Variants in SIK2 observed in about 807,000 individuals in gnomAD.
SIK2 encodes the protein salt inducible kinase 2, also known as serine/threonine-protein kinase SIK2.
SIK2 carries 29 observed loss-of-function variants against 103.2 expected under a neutral mutation model. That is an observed-to-expected ratio of 0.28 (90% CI 0.21 to 0.38). The LOEUF (loss-of-function observed/expected upper bound fraction) is 0.38, where lower values mean the gene tolerates loss of function less well. Ranked by LOEUF, SIK2 falls within the 10% of genes least tolerant of loss-of-function variation. The pLI is 1.00. For synonymous variants in SIK2, 412 were observed against 446.1 expected (o/e 0.92, Z 0.96); for missense variants, 879 against 1,171.0 (o/e 0.75, Z 3.64).
intron 1 of SIK2, among the ~76,000 whole-genome samples, chr11:111,615,894 C>A (rs917484386): frequency 1.3e-5 from 2 of 152,288 alleles, no homozygotes; most frequent in South Asian, 4.1e-4. Context: ...TTTATAGGTA[C>A]TTCACAGCAG....
chr11:111,679,771 G>C (rs529387599), intron 3 of SIK2, among the ~76,000 whole-genome samples: 2 of 152,142 alleles, frequency 1.3e-5, no homozygotes, highest in Non-Finnish European at 2.9e-5. Context: ...TTCCAAGATT[G>C]ATTGGCAAGA....
At position 111,701,057 on chromosome 11, in the gene SIK2, T is replaced by G. The variant is rs1943201878; in HGVS notation, c.603+47T>G. The stretch of plus-strand genomic sequence containing the variant: ...TTGTTAAATGCATCTATACTGATAA[T>G]ACTTGGTGTTCTGGCCCATCTTAGA... On this transcript the variant is annotated intron_variant, in intron 5 of 14. Coordinates refer to ENST00000304987, the MANE Select transcript of SIK2 (RefSeq NM_015191.3). The surrounding 1 kb of genome is among the most constrained non-coding windows in gnomAD (Gnocchi z 4.2). 1 of 1,585,640 alleles carries G rather than the reference T, an allele frequency of 6.3e-7. No homozygotes were observed. The highest frequency in any genetic ancestry group is 2.3e-5 in the East Asian group (1 of 44,290).
chr11:111,658,622 A>G (rs1369664629), intron 3 of SIK2, among the ~76,000 whole-genome samples: 1 of 152,136 alleles, frequency 6.6e-6, no homozygotes, highest in East Asian at 1.9e-4. Context: ...ATATGCCTGT[A>G]GTCCTAGCTA....
At chr11:111,675,303 T>C (rs1942688012) in intron 3 of SIK2, among the ~76,000 whole-genome samples, 1 of 152,178 alleles carries the variant, frequency 6.6e-6, no homozygotes, top group Admixed American at 6.5e-5. Flanking sequence ...GCACCACCTA[T>C]TCTACTGGGA....
chr11:111,636,953 G>A (rs1942115908), intron 3 of SIK2, among the ~76,000 whole-genome samples: 1 of 152,118 alleles, frequency 6.6e-6, no homozygotes, highest in Admixed American at 6.5e-5. Context: ...TTCCAATGAT[G>A]TGCTTTGGTG....
Position 111,701,760 on chromosome 11 carries a change from TGTAAC to T in SIK2, c.727+186_727+190del, listed in dbSNP as rs917334152. Among the ~76,000 whole-genome samples, 1 of 152,198 alleles carries T rather than the reference TGTAAC, an allele frequency of 6.6e-6. No individual in the cohort carries two copies. Among genetic ancestry groups the T allele is most frequent in the African/African-American group, 2.4e-5 (1 of 41,454 alleles). On this transcript the variant is annotated intron_variant, in intron 6 of 14. Coordinates refer to ENST00000304987, the MANE Select transcript of SIK2 (RefSeq NM_015191.3). The surrounding 1 kb of genome is among the most constrained non-coding windows in gnomAD (Gnocchi z 4.2). ...GCGAGACAGGTTCCAGCCTTCTACTTGTAACTAAACACACAGCATTTCCCAGATTA... is the reference window on the plus strand; with the variant it reads ...GCGAGACAGGTTCCAGCCTTCTACTTTAAACACACAGCATTTCCCAGATTA...
intron 3 of SIK2, chr11:111,671,934 C>T: frequency 2.1e-6 from 1 of 472,090 alleles, no homozygotes; most frequent in Non-Finnish European, 4.1e-6. Flanking sequence ...GAGTGTCCAG[C>T]TGCCACCAAA....
At chr11:111,611,914 A>G (rs1407348485) in intron 1 of SIK2, among the ~76,000 whole-genome samples, 1 of 152,224 alleles carries the variant, frequency 6.6e-6, no homozygotes, top group Non-Finnish European at 1.5e-5. Flanking sequence ...AAAAGGAACT[A>G]TTGGAACACA....
At position 111,719,980 on chromosome 11, in the gene SIK2, A is replaced by C; in HGVS notation, c.1472A>C (p.Gln491Pro). The C allele has an allele frequency of 6.2e-7, 1 of 1,613,948 alleles. No homozygotes were observed. The highest frequency in any genetic ancestry group is 8.5e-7 in the Non-Finnish European group (1 of 1,179,874). Residue 491 changes from glutamine (Q) to proline (P), a missense_variant, in exon 10 of 15, where the codon CAA (glutamine) becomes CCA (proline). Gln to Pro is a moderately conservative substitution (Grantham distance 76, BLOSUM62 -1). Transcript: ENST00000304987. Reference protein sequence around the residue: ...RRHTLSEVTNQLVVMPGAGKI... With the variant: ...RRHTLSEVTNPLVVMPGAGKI... ...CACACTCTGTCAGAAGTGACCAATC[A>C]ACTGGTCGTGATGCCTGGGGCAGGT...
intron 3 of SIK2, 139 bp downstream of exon 3, chr11:111,620,541 G>A (rs1225346329): frequency 1.7e-6 from 1 of 582,750 alleles, no homozygotes; most frequent in African/African-American, 1.9e-5. Flanking sequence ...AAAATATTCA[G>A]TAACCTAAAA....
chr11:111,682,189 A>G (rs7941070), intron 3 of SIK2, among the ~76,000 whole-genome samples: 144,304 of 152,270 alleles, frequency 0.95, 68,750 homozygotes, highest in East Asian at 1. Flanking sequence ...TATTATTGCC[A>G]CTCCCAAAAG....
chr11:111,696,928 C>T (rs1943085563), intron 4 of SIK2, among the ~76,000 whole-genome samples: 1 of 152,164 alleles, frequency 6.6e-6, no homozygotes, highest in Non-Finnish European at 1.5e-5. Context: ...TGCATTTAGG[C>T]AGAAAGCTGC....
At chr11:111,719,375 T>A (rs1357678607) in intron 9 of SIK2, among the ~76,000 whole-genome samples, 1 of 93,062 alleles carries the variant, frequency 1.1e-5, no homozygotes, top group Non-Finnish European at 2.3e-5. Flanking sequence ...TTTTTTTTTT[T>A]AGCAATGAGC....
At position 111,719,936 on chromosome 11, in the gene SIK2, A is replaced by C; in HGVS notation, c.1428A>C (p.Thr476=). ...ATGCCTTTGAGGCATTTCAGTCCAC[A>C]CGCAGCGGGCAGAGACGGCACACTC... ...PAHAFEAFQS[T]RSGQRRHTLS... The change falls in exon 10 of 15, where the codon ACA becomes ACC. Residue 476 remains threonine, a synonymous_variant. Transcript: ENST00000304987. 1 of 1,614,148 alleles carries C rather than the reference A, an allele frequency of 6.2e-7. No individual in the cohort carries two copies. The highest frequency in any genetic ancestry group is 8.5e-7 in the Non-Finnish European group (1 of 1,180,014).
intron 3 of SIK2, among the ~76,000 whole-genome samples, chr11:111,623,897 C>T (rs1056444175): frequency 1.3e-5 from 2 of 152,214 alleles, no homozygotes; most frequent in African/African-American, 4.8e-5. Flanking sequence ...ATTGCTGGGC[C>T]ACACCTGGGT....
intron 3 of SIK2, among the ~76,000 whole-genome samples, chr11:111,635,523 T>C (rs1033744835): frequency 6.6e-6 from 1 of 151,394 alleles, no homozygotes; most frequent in Admixed American, 6.6e-5. Flanking sequence ...ACTTGACCAC[T>C]GCTCTAGTGG....
chr11:111,672,068 T>A (rs1565345564), intron 3 of SIK2: 1 of 500,116 alleles, frequency 2.0e-6, no homozygotes, highest in Non-Finnish European at 3.9e-6. Context: ...AACTTGTTGA[T>A]GAAGGAGGCA....
intron 4 of SIK2, among the ~76,000 whole-genome samples, chr11:111,697,367 G>A (rs12363179): frequency 0.24 from 36,098 of 152,040 alleles, 4,549 homozygotes; most frequent in Middle Eastern, 0.32. Context: ...GCTGAGAGCT[G>A]GGAGTACAGA....
chr11:111,643,500 A>C lies in SIK2; in HGVS notation c.316+23098A>C, dbSNP rs545694224. ...AAGTTAATTATATTTGAAAATGTAG[A>C]GTAGACAGGCAATCATTGCAAATGT... On this transcript the variant is annotated intron_variant, in intron 3 of 14. Coordinates refer to ENST00000304987, the MANE Select transcript of SIK2 (RefSeq NM_015191.3). Among the ~76,000 whole-genome samples the C allele has an allele frequency of 7.2e-5, 11 of 152,210 alleles. No homozygotes were observed. In the South Asian group the frequency reaches 2.3e-3, roughly 32 times the overall value.
Sources: gnomAD v4.1 joint callset for allele counts (sites outside exome capture counted in the v4.1 genomes callset) on GRCh38, gnomAD v4.1.1 for gene constraint, Gnocchi (gnomAD v3.1) non-coding constraint, MANE v1.5 for transcripts, NCBI Gene and HGNC (gene_info 2026-07-23, HGNC 2026-07-21) for gene names.